Variants in DEPDC5 observed in about 807,000 individuals in gnomAD.
The protein encoded by DEPDC5 is DEP domain containing 5, GATOR1 subcomplex subunit.
DEPDC5 carries 73 observed loss-of-function variants against 217.3 expected under a neutral mutation model. The observed-to-expected ratio is 0.34, with a 90% confidence interval of 0.28 to 0.41. DEPDC5 has a LOEUF of 0.41. DEPDC5 is among the 10% of genes least tolerant of loss of function. DEPDC5 has a pLI of 1.00. For missense variants in DEPDC5, 1,675 were observed against 2,070.1 expected (o/e 0.81, Z 3.70); for synonymous variants, 733 against 756.7 (o/e 0.97, Z 0.51).
chr22:31,821,929 G>C (rs1318443151), intron 23 of DEPDC5, among the ~76,000 whole-genome samples: 1 of 152,192 alleles, frequency 6.6e-6, no homozygotes, highest in Admixed American at 6.5e-5. Flanking sequence ...TCAGTCAAAG[G>C]TGAATCCAAG....
chr22:31,833,392 T>C (rs1569048048), intron 24 of DEPDC5, among the ~76,000 whole-genome samples: 1 of 152,210 alleles, frequency 6.6e-6, no homozygotes, highest in Non-Finnish European at 1.5e-5. Flanking sequence ...TCCTGTGTCA[T>C]ATTGTAGAAA....
chr22:31,769,076 C>T (rs563328060), intron 7 of DEPDC5: 33 of 372,314 alleles, frequency 8.9e-5, no homozygotes, highest in Middle Eastern at 8.1e-4. Flanking sequence ...CTGGCTAACA[C>T]GGTGAAACCC....
chr22:31,804,348 C>A, intron 16 of DEPDC5, 125 bp downstream of exon 16: 3 of 907,898 alleles, frequency 3.3e-6, no homozygotes, highest in South Asian at 3.0e-5. Flanking sequence ...GGGAAGATCC[C>A]TTAAGCCTAG....
chr22:31,847,046 G>A, intron 31 of DEPDC5, 79 bp downstream of exon 31: 6 of 1,589,448 alleles, frequency 3.8e-6, no homozygotes, highest in East Asian at 2.2e-5. Flanking sequence ...CCTTGAGGGG[G>A]TGAAATATTT....
intron 4 of DEPDC5, among the ~76,000 whole-genome samples, chr22:31,762,154 T>C (rs2082443004): frequency 6.6e-6 from 1 of 151,916 alleles, no homozygotes; most frequent in Non-Finnish European, 1.5e-5. Flanking sequence ...TGAGTAGGGA[T>C]TGGGGAGGAA....
At chr22:31,903,105 C>T (rs1212092063) in intron 41 of DEPDC5, among the ~76,000 whole-genome samples, 1 of 151,396 alleles carries the variant, frequency 6.6e-6, no homozygotes, top group East Asian at 1.9e-4. Flanking sequence ...CATCATTGTA[C>T]CAGTGTGCTG....
chr22:31,763,858 T>C (rs1487063255), intron 4 of DEPDC5, among the ~76,000 whole-genome samples: 2 of 152,180 alleles, frequency 1.3e-5, no homozygotes, highest in Admixed American at 6.6e-5. Flanking sequence ...AAAAAAAATT[T>C]AAAGTTTTCA....
chr22:31,819,831 C>T (rs1465824399), intron 22 of DEPDC5, among the ~76,000 whole-genome samples: 2 of 152,012 alleles, frequency 1.3e-5, no homozygotes, highest in Non-Finnish European at 2.9e-5. Flanking sequence ...AGTCAGATGT[C>T]CCTCATTCTT....
At chr22:31,771,095 T>C (rs1290286112) in intron 7 of DEPDC5, among the ~76,000 whole-genome samples, 2 of 152,178 alleles carry the variant, frequency 1.3e-5, no homozygotes, top group Non-Finnish European at 2.9e-5. Flanking sequence ...CCATCAACTT[T>C]TCACCTAATG....
intron 8 of DEPDC5, among the ~76,000 whole-genome samples, chr22:31,782,782 T>C (rs2084582798): frequency 6.6e-6 from 1 of 152,212 alleles, no homozygotes; most frequent in Non-Finnish European, 1.5e-5. Context: ...TATGTTGCAG[T>C]GTTCTGCATG....
At chr22:31,785,803 G>A (rs1342424936) in intron 10 of DEPDC5, among the ~76,000 whole-genome samples, 1 of 152,114 alleles carries the variant, frequency 6.6e-6, no homozygotes, top group Admixed American at 6.6e-5. Context: ...TACATCTATG[G>A]TCAGTTGATT....
intron 15 of DEPDC5, among the ~76,000 whole-genome samples, 197 bp downstream of exon 15, chr22:31,803,035 A>G (rs1160633757): frequency 1.3e-5 from 2 of 152,152 alleles, no homozygotes; most frequent in African/African-American, 2.4e-5. Context: ...TGGGTCATGC[A>G]AAGATAAGCA....
At chr22:31,844,725 T>C (rs1381586030) in intron 29 of DEPDC5, 1 of 191,366 alleles carries the variant, frequency 5.2e-6, no homozygotes, top group Admixed American at 6.3e-5. Flanking sequence ...TTTTTTTTTT[T>C]TTTGAGACAA....
chr22:31,898,817 C>G (rs1053033573), intron 40 of DEPDC5, among the ~76,000 whole-genome samples: 1 of 152,210 alleles, frequency 6.6e-6, no homozygotes, highest in Non-Finnish European at 1.5e-5. Flanking sequence ...GAGGCCCTAC[C>G]TGCTGGGGGC....
At chr22:31,777,638 T>C (rs2084012321) in intron 7 of DEPDC5, among the ~76,000 whole-genome samples, 1 of 152,156 alleles carries the variant, frequency 6.6e-6, no homozygotes, top group South Asian at 2.1e-4. Context: ...ATGAGAGTTC[T>C]TTATATTGGA....
At chr22:31,818,958 T>A in intron 21 of DEPDC5, 64 bp from the exon 22 acceptor site, 1 of 1,555,774 alleles carries the variant, frequency 6.4e-7, no homozygotes, top group Non-Finnish European at 8.9e-7. Context: ...TCATTCTACC[T>A]AGCTCTGGTT....
chr22:31,901,736 T>G lies in DEPDC5; in HGVS notation c.4376-6T>G. ...AACCCAATATTTATTCTTATTTTCC[T>G]TTCAGGCTTTGAACCCGAAACGTAC... On this transcript the variant is annotated splice_polypyrimidine_tract_variant and splice_region_variant and intron_variant, in intron 40 of 42. Transcript: ENST00000651528. The G allele has an allele frequency of 6.2e-7, 1 of 1,610,904 alleles. No individual in the cohort carries two copies. Among genetic ancestry groups the G allele is most frequent in the East Asian group, 2.2e-5 (1 of 44,820 alleles).
At chr22:31,811,556 T>G (rs887695673) in intron 20 of DEPDC5, among the ~76,000 whole-genome samples, 2 of 150,802 alleles carry the variant, frequency 1.3e-5, no homozygotes, top group African/African-American at 4.9e-5. Context: ...GGTAGTTGTT[T>G]TTTTTTTTTT....
At chr22:31,780,235 A>G (rs1300842580) in intron 8 of DEPDC5, among the ~76,000 whole-genome samples, 1 of 152,198 alleles carries the variant, frequency 6.6e-6, no homozygotes, top group Non-Finnish European at 1.5e-5. Context: ...GGATGTGGGC[A>G]GGTATGAGAC....
Sources: gnomAD v4.1 joint callset for allele counts (sites outside exome capture counted in the v4.1 genomes callset) on GRCh38, gnomAD v4.1.1 for gene constraint, MANE v1.5 for transcripts, NCBI Gene and HGNC (gene_info 2026-07-23, HGNC 2026-07-21) for gene names.